Variants in TENT2 observed in about 807,000 individuals in gnomAD.
TENT2 encodes the protein terminal nucleotidyltransferase 2, also known as poly(A) RNA polymerase GLD2.
Under a neutral mutation model 72.2 loss-of-function variants are expected in TENT2, and 44 were observed. The observed-to-expected ratio is 0.61, with a 90% CI of 0.48 to 0.78. The LOEUF (loss-of-function observed/expected upper bound fraction) is 0.78. TENT2 is among the 30% of genes least tolerant of loss of function. The probability of loss-of-function intolerance (pLI) is 0.00; values close to 1 mark genes in which losing one functional copy is unlikely to be tolerated. For synonymous variants in TENT2, 212 were observed against 192.5 expected, an observed-to-expected ratio of 1.10 and a Z score of -0.84; for missense variants, 541 against 569.6, an observed-to-expected ratio of 0.95 and a Z score of 0.51.
At chr5:79,667,975 G>T (rs1227120022) in intron 11 of TENT2, among the ~76,000 whole-genome samples, 1 of 145,244 alleles carries the variant, frequency 6.9e-6, no homozygotes, top group Admixed American at 6.9e-5. Flanking sequence ...TTTCTATTCT[G>T]ACGGCAGTGG....
At chr5:79,633,215 C>G (rs184469146) in intron 4 of TENT2, among the ~76,000 whole-genome samples, 12 of 152,248 alleles carry the variant, frequency 7.9e-5, no homozygotes. Context: ...CTTTCTATAG[C>G]TACACGTAAC....
At chr5:79,678,643 C>T (rs72768842) in intron 12 of TENT2, among the ~76,000 whole-genome samples, 16,881 of 152,180 alleles carry the variant, frequency 0.11, 1,101 homozygotes, top group African/African-American at 0.17. Context: ...CTCTTAACAG[C>T]TGCATCTGAT....
intron 4 of TENT2, among the ~76,000 whole-genome samples, chr5:79,638,861 A>C (rs1782250907): frequency 6.6e-6 from 1 of 152,128 alleles, no homozygotes; most frequent in African/African-American, 2.4e-5. Flanking sequence ...GAGTATTCAG[A>C]GATTTAAAAA....
intron 7 of TENT2, 159 bp from the exon 8 acceptor site, chr5:79,644,964 C>A: frequency 1.8e-6 from 1 of 560,620 alleles, no homozygotes. Context: ...AGCCTCCAAC[C>A]TTAGAAGAAT....
chr5:79,624,290 G>A (rs1317632309), intron 4 of TENT2, among the ~76,000 whole-genome samples: 2 of 152,112 alleles, frequency 1.3e-5, no homozygotes, highest in African/African-American at 4.8e-5. Flanking sequence ...CTCATCTTTG[G>A]GTTCCTATCA....
rs1250796093 is a variant in TENT2, at chr5:79,685,374, T to G, written c.*101T>G. On this transcript the variant is annotated 3_prime_UTR_variant, in exon 15 of 15. Coordinates refer to ENST00000453514, the MANE Select transcript of TENT2 (RefSeq NM_001114394.3). ...CCATCATAGTTGCTTTTTTCATAGTTCTTGTTTTCATGTTTTATTTTTAAA... is the reference window on the plus strand; with the variant it reads ...CCATCATAGTTGCTTTTTTCATAGTGCTTGTTTTCATGTTTTATTTTTAAA... 1.3e-6 allele frequency: 1 copy of G among 768,472 alleles called. No homozygotes were observed. The highest frequency in any genetic ancestry group is 1.8e-5 in the African/African-American group (1 of 54,624). 47.6% of individuals were successfully genotyped at this position (768,472 alleles called of 1,614,324 possible). A position where few individuals can be genotyped will look rare whatever the true frequency, so the allele number is the denominator to read the frequency against.
intron 10 of TENT2, among the ~76,000 whole-genome samples, chr5:79,650,721 C>A (rs896811909): frequency 3.9e-5 from 6 of 151,918 alleles, no homozygotes; most frequent in African/African-American, 1.4e-4. Context: ...TGCTATAGAT[C>A]AAAAATGGTT....
chr5:79,685,263 T>G lies in TENT2; in HGVS notation c.1445T>G (p.Leu482Arg), dbSNP rs780853148. 6.3e-7 allele frequency: 1 copy of G among 1,594,504 alleles called. No individual in the cohort carries two copies. The highest frequency in any genetic ancestry group is 8.5e-7 in the Non-Finnish European group (1 of 1,172,282). Residue 482 changes from leucine (L) to arginine (R), a missense_variant, in exon 15 of 15, where the codon CTG (leucine) becomes CGG (arginine). Transcript: ENST00000453514. ...NSILPVRAAVLKR is the reference protein window; with the variant it reads ...NSILPVRAAVRKR ...ATACTACCTGTAAGAGCTGCTGTCC[T>G]GAAAAGATAACTGGCCTCTATTTCT...
At chr5:79,653,125 G>C (rs1271073787) in intron 10 of TENT2, among the ~76,000 whole-genome samples, 1 of 152,066 alleles carries the variant, frequency 6.6e-6, no homozygotes, top group Non-Finnish European at 1.5e-5. Context: ...AAGTTTGACT[G>C]ACTTCTTTAG....
chr5:79,644,046 A>G (rs1036473966), intron 7 of TENT2, among the ~76,000 whole-genome samples: 5 of 151,044 alleles, frequency 3.3e-5, no homozygotes, highest in African/African-American at 1.2e-4. Flanking sequence ...CAGTAGCATG[A>G]TCACAGGTCA....
intron 12 of TENT2, among the ~76,000 whole-genome samples, chr5:79,672,499 C>T (rs948009864): frequency 6.6e-6 from 1 of 152,216 alleles, no homozygotes; most frequent in African/African-American, 2.4e-5. Flanking sequence ...TCATTCTAGT[C>T]TCTTATCTCC....
At chr5:79,637,760 CA>C (rs1781250616) in intron 4 of TENT2, among the ~76,000 whole-genome samples, 3 of 150,222 alleles carry the variant, frequency 2.0e-5, no homozygotes, top group African/African-American at 7.4e-5. Context: ...GAGGGTTGAG[CA>C]GGCTAGCTTT....
chr5:79,665,547 A>G (rs113224143), intron 11 of TENT2, among the ~76,000 whole-genome samples: 3 of 152,286 alleles, frequency 2.0e-5, no homozygotes, highest in Middle Eastern at 3.4e-3. Flanking sequence ...GGGATTTTCT[A>G]TTTAATTTTT....
chr5:79,620,447 A>G (rs1052769746), intron 3 of TENT2: 4 of 159,806 alleles, frequency 2.5e-5, no homozygotes, highest in African/African-American at 9.6e-5. Flanking sequence ...GGTTGCCATA[A>G]CAACGTACCA....
intron 8 of TENT2, among the ~76,000 whole-genome samples, chr5:79,647,418 G>GTTAC (rs1789990593): frequency 6.6e-6 from 1 of 152,056 alleles, no homozygotes; most frequent in Admixed American, 6.6e-5. Flanking sequence ...TTTCTATTGA[G>GTTAC]TTACTATGTG....
At chr5:79,654,801 C>A (rs1018049812) in intron 10 of TENT2, among the ~76,000 whole-genome samples, 4 of 151,954 alleles carry the variant, frequency 2.6e-5, no homozygotes, top group African/African-American at 9.7e-5. Flanking sequence ...TAAAGTTGTT[C>A]TTGCGCTTTC....
intron 11 of TENT2, among the ~76,000 whole-genome samples, chr5:79,657,836 T>G (rs972088701): frequency 6.6e-6 from 1 of 152,208 alleles, no homozygotes; most frequent in Non-Finnish European, 1.5e-5. Context: ...CATATACTTA[T>G]AAGAAGAGCT....
intron 4 of TENT2, among the ~76,000 whole-genome samples, chr5:79,625,307 C>G (rs2150046542): frequency 6.6e-6 from 1 of 152,224 alleles, no homozygotes; most frequent in African/African-American, 2.4e-5. Context: ...ATATTAGACC[C>G]TTATCAGATA....
At chr5:79,671,204 A>G (rs1190905388) in intron 12 of TENT2, among the ~76,000 whole-genome samples, 1 of 152,142 alleles carries the variant, frequency 6.6e-6, no homozygotes, top group African/African-American at 2.4e-5. Context: ...GCTTGGAAAG[A>G]GGTTTCAGAA....
Sources: allele counts gnomAD v4.1 joint callset (sites outside exome capture counted in the v4.1 genomes callset), GRCh38; gene constraint gnomAD v4.1.1; transcripts MANE v1.5; gene names NCBI Gene and HGNC (gene_info 2026-07-23, HGNC 2026-07-21).